The following CIMIP1 variants were observed in gnomAD, a reference collection of about 807,000 sequenced individuals.
The protein encoded by CIMIP1 is ciliary microtubule inner protein 1, also known as low in lung cancer 1.
At chr20:58,158,657 A>G in the CIMIP1 span, among the ~76,000 whole-genome samples, 1 of 152,128 alleles carries the variant, frequency 6.6e-6, no homozygotes, top group Non-Finnish European at 1.5e-5. Context: ...CTCAAAAAAA[A>G]AAAAATGGTA....
chr20:58,156,640 A>G, the CIMIP1 span, among the ~76,000 whole-genome samples: 1 of 152,090 alleles, frequency 6.6e-6, no homozygotes, highest in Non-Finnish European at 1.5e-5. Context: ...TTGTGGGGAG[A>G]GGGACAGGAG....
At chr20:58,153,397 C>T in the CIMIP1 span, 5 of 642,380 alleles carry the variant, frequency 7.8e-6, no homozygotes, top group Non-Finnish European at 1.1e-5. Context: ...TGCTCAGCAT[C>T]AGAGGTTCTC....
chr20:58,160,719 C>T, the CIMIP1 span: 1 of 1,614,148 alleles, frequency 6.2e-7, no homozygotes, highest in Non-Finnish European at 8.5e-7. Context: ...TGGAGATCTG[C>T]AGTGCCAGGC....
chr20:58,157,058 A>G, the CIMIP1 span, among the ~76,000 whole-genome samples: 2 of 152,204 alleles, frequency 1.3e-5, no homozygotes, highest in African/African-American at 4.8e-5. Flanking sequence ...TCACTGCTAA[A>G]AAATATTTAG....
At chr20:58,158,736 T>C in the CIMIP1 span, among the ~76,000 whole-genome samples, 1 of 152,046 alleles carries the variant, frequency 6.6e-6, no homozygotes, top group Non-Finnish European at 1.5e-5. Context: ...CCTTTAAAAA[T>C]ATATTTATTT....
At chr20:58,160,907 A>G in the CIMIP1 span, 87 of 1,452,626 alleles carry the variant, frequency 6.0e-5, 1 homozygote, top group African/African-American at 1.0e-3. Flanking sequence ...AGCTCCCCTG[A>G]ATCCCGAGGA....
At chr20:58,153,393 G>A in the CIMIP1 span, 2 of 635,296 alleles carry the variant, frequency 3.1e-6, no homozygotes, top group Non-Finnish European at 5.8e-6. Flanking sequence ...GAGGTGCTCA[G>A]CATCAGAGGT....
chr20:58,156,973 CAATG>C, the CIMIP1 span, among the ~76,000 whole-genome samples: 5 of 151,928 alleles, frequency 3.3e-5, no homozygotes, highest in African/African-American at 7.3e-5. Flanking sequence ...CTGTGAGCCC[CAATG>C]AATGAATGAA....
At chr20:58,154,777 G>A in the CIMIP1 span, among the ~76,000 whole-genome samples, 278 of 152,148 alleles carry the variant, frequency 1.8e-3, 1 homozygote, top group African/African-American at 6.4e-3. Context: ...TTTAAAGTTC[G>A]GTCCTGAAAA....
the CIMIP1 span, among the ~76,000 whole-genome samples, chr20:58,154,995 G>A: frequency 6.6e-6 from 1 of 152,110 alleles, no homozygotes; most frequent in Admixed American, 6.5e-5. Context: ...TTGAAGAGAT[G>A]GAGTCTTGCT....
the CIMIP1 span, chr20:58,153,429 C>T: frequency 4.0e-6 from 3 of 758,122 alleles, no homozygotes; most frequent in South Asian, 1.7e-5. Context: ...CTCCTCACTC[C>T]GTCCCTGGTG....
At chr20:58,154,433 T>C in the CIMIP1 span, among the ~76,000 whole-genome samples, 2 of 152,240 alleles carry the variant, frequency 1.3e-5, no homozygotes, top group African/African-American at 4.8e-5. Flanking sequence ...GCCACCAATC[T>C]GCAACCTCTC....
chr20:58,158,628 C>T, the CIMIP1 span, among the ~76,000 whole-genome samples: 8 of 151,558 alleles, frequency 5.3e-5, no homozygotes, highest in East Asian at 5.8e-4. Flanking sequence ...CCAGCCTGGG[C>T]GACAGAGTAA....
chr20:58,157,835 T>C, the CIMIP1 span, among the ~76,000 whole-genome samples: 2 of 152,244 alleles, frequency 1.3e-5, no homozygotes, highest in African/African-American at 2.4e-5. Context: ...CCTAGAACAC[T>C]GGGCTGGCCG....
the CIMIP1 span, among the ~76,000 whole-genome samples, chr20:58,154,369 G>T: frequency 3.9e-3 from 596 of 152,350 alleles, 2 homozygotes; most frequent in Middle Eastern, 0.01. Context: ...ATGTTTACAT[G>T]AAATTTTCTG....
the CIMIP1 span, among the ~76,000 whole-genome samples, chr20:58,159,525 A>C: frequency 1.4e-5 from 2 of 140,192 alleles, no homozygotes; most frequent in African/African-American, 5.0e-5. Context: ...AAAAAAGGAA[A>C]AAAAAAAAAA....
At chr20:58,153,029 C>A in the CIMIP1 span, among the ~76,000 whole-genome samples, 1 of 152,266 alleles carries the variant, frequency 6.6e-6, no homozygotes, top group South Asian at 2.1e-4. Flanking sequence ...TACTGCAATG[C>A]CACTCAGCTC....
the CIMIP1 span, chr20:58,160,804 C>A: frequency 6.2e-7 from 1 of 1,612,844 alleles, no homozygotes; most frequent in South Asian, 1.1e-5. Context: ...TGTGCTGGCC[C>A]AAGCAGGGCG....
the CIMIP1 span, chr20:58,160,978 A>G: frequency 1.4e-6 from 1 of 735,886 alleles, no homozygotes. Flanking sequence ...TGCCTTAGAC[A>G]TTCTCAAGTC....
Sources: allele counts gnomAD v4.1 joint callset (sites outside exome capture counted in the v4.1 genomes callset), GRCh38; gene constraint gnomAD v4.1.1; transcripts MANE v1.5; gene names NCBI Gene and HGNC (gene_info 2026-07-23, HGNC 2026-07-21).